Variants in LRP1B observed in about 807,000 individuals in gnomAD.
The protein encoded by LRP1B is LDL receptor related protein 1B, also known as low-density lipoprotein receptor-related protein 1B.
LRP1B carries 217 observed loss-of-function variants against 556.6 expected under a neutral mutation model. The ratio of observed to expected loss-of-function variants is 0.39; its 90% CI spans 0.35 to 0.44. The LOEUF is 0.44. LRP1B is among the 20% of genes least tolerant of loss of function. LRP1B has a pLI of 1.00. For missense variants in LRP1B, 5,053 were observed against 5,620.8 expected, an observed-to-expected ratio of 0.90 and a Z score of 3.23; for synonymous variants, 2,047 against 1,865.8, an observed-to-expected ratio of 1.10 and a Z score of -2.50.
intron 6 of LRP1B, among the ~76,000 whole-genome samples, chr2:141,222,044 C>T (rs887565576): frequency 6.6e-6 from 1 of 151,888 alleles, no homozygotes; most frequent in Non-Finnish European, 1.5e-5. Context: ...AAACAAACCC[C>T]AAAGCTAGCA....
chr2:141,473,089 T>C lies in LRP1B; in HGVS notation c.343+7307A>G, dbSNP rs191171319. 1.3e-4 allele frequency among the ~76,000 whole-genome samples: 20 copies of C among 152,278 alleles called. 3 individuals carry two copies. In the Middle Eastern group the frequency reaches 0.037, roughly 285 times the overall value. On this transcript the variant is annotated intron_variant, in intron 3 of 90. Coordinates refer to ENST00000389484, the MANE Select transcript of LRP1B (RefSeq NM_018557.3). ...TCAACATATTCGAACATTTTTAAAC[T>C]TGAATTCTAAGTCTCTTTAGCAGTA...
chr2:140,997,177 G>T (rs1408107734), intron 15 of LRP1B, among the ~76,000 whole-genome samples: 3 of 151,918 alleles, frequency 2.0e-5, no homozygotes, highest in African/African-American at 7.2e-5. Flanking sequence ...ATCATGGTAT[G>T]CTTGTCATGG....
At chr2:141,101,602 A>T (rs1574074359) in intron 7 of LRP1B, among the ~76,000 whole-genome samples, 2 of 152,152 alleles carry the variant, frequency 1.3e-5, no homozygotes, top group Non-Finnish European at 2.9e-5. Flanking sequence ...CTGCTTAATA[A>T]ATTGTGTATT....
intron 66 of LRP1B, among the ~76,000 whole-genome samples, chr2:140,398,302 T>TA (rs781764315): frequency 1.1e-4 from 17 of 152,020 alleles, no homozygotes; most frequent in South Asian, 6.2e-4. Flanking sequence ...AAAGGGGAGA[T>TA]ACTCATAAAA....
intron 66 of LRP1B, among the ~76,000 whole-genome samples, chr2:140,428,438 A>G (rs1685760787): frequency 6.6e-6 from 1 of 152,188 alleles, no homozygotes; most frequent in Non-Finnish European, 1.5e-5. Flanking sequence ...TCTGGCCACC[A>G]GGCCAAGGAA....
intron 3 of LRP1B, among the ~76,000 whole-genome samples, chr2:141,375,795 C>G (rs1351574643): frequency 6.6e-6 from 1 of 152,134 alleles, no homozygotes; most frequent in East Asian, 1.9e-4. Flanking sequence ...ACTCATATCT[C>G]AGTCTCACAG....
intron 25 of LRP1B, among the ~76,000 whole-genome samples, chr2:140,878,118 G>A (rs867680062): frequency 2.0e-5 from 3 of 152,114 alleles, no homozygotes; most frequent in Non-Finnish European, 4.4e-5. Context: ...ATATACCAGA[G>A]GACAATGTAC....
Position 141,123,383 on chromosome 2 carries a change from T to A in LRP1B, c.1014-61110A>T, listed in dbSNP as rs557274002. ...TTGGCCTCTTTTAAGAAGTAAAATG[T>A]TAAATATGCATATTTAATTGATAGT... On this transcript the variant is annotated intron_variant, in intron 7 of 90. Coordinates refer to ENST00000389484, the MANE Select transcript of LRP1B (RefSeq NM_018557.3). 2.0e-5 allele frequency among the ~76,000 whole-genome samples: 3 copies of A among 152,058 alleles called. No individual in the cohort carries two copies. In the East Asian group the frequency reaches 5.8e-4, roughly 29 times the overall value.
chr2:140,525,635 G>A (rs1159749501), intron 49 of LRP1B, among the ~76,000 whole-genome samples: 1 of 151,944 alleles, frequency 6.6e-6, no homozygotes. Context: ...TCCAAGTTTA[G>A]GATGGTTTCT....
At chr2:140,732,558 C>A (rs987835837) in intron 35 of LRP1B, among the ~76,000 whole-genome samples, 3 of 152,038 alleles carry the variant, frequency 2.0e-5, no homozygotes, top group South Asian at 2.1e-4. Flanking sequence ...TTGGTCTCAG[C>A]AGAATCAGGA....
chr2:140,358,764 A>G, intron 73 of LRP1B, 57 bp downstream of exon 73: 1 of 1,576,726 alleles, frequency 6.3e-7, no homozygotes, highest in East Asian at 2.3e-5. Flanking sequence ...TTTGTACTCC[A>G]AGTCATCAGA....
chr2:141,025,095 T>C (rs897827133), intron 11 of LRP1B, among the ~76,000 whole-genome samples: 7 of 152,128 alleles, frequency 4.6e-5, no homozygotes, highest in African/African-American at 1.7e-4. Context: ...TGAAAAGTCA[T>C]AATCTGGTAG....
At chr2:141,228,270 A>T (rs562029404) in intron 6 of LRP1B, among the ~76,000 whole-genome samples, 1 of 152,294 alleles carries the variant, frequency 6.6e-6, no homozygotes, top group African/African-American at 2.4e-5. Flanking sequence ...TGTAAATCAT[A>T]AATTAAATGG....
At chr2:140,269,123 A>G in intron 86 of LRP1B, 1 of 358,574 alleles carries the variant, frequency 2.8e-6, no homozygotes, top group Non-Finnish European at 5.6e-6. Context: ...GAGTGAAGCA[A>G]AGGTTAAGTG....
intron 32 of LRP1B, among the ~76,000 whole-genome samples, chr2:140,787,825 T>G (rs1285794657): frequency 6.6e-6 from 1 of 152,060 alleles, no homozygotes; most frequent in African/African-American, 2.4e-5. Context: ...TCTTCCTGCC[T>G]TGGCCTCTCA....
In LRP1B at chr2:141,593,575, G is replaced by A. The variant is rs1485163134; in HGVS notation, c.206-113042C>T. Among the ~76,000 whole-genome samples the A allele has an allele frequency of 2.2e-4, 2 of 9,194 alleles. 1 individual carries two copies. The highest frequency in any genetic ancestry group is 2.3e-4 in the African/African-American group (2 of 8,706). 6.0% of individuals were successfully genotyped at this position (9,194 alleles called of 152,430 possible). ...CTACTAAAAATACAAAAAATTAGCC[G>A]GGCGCAGTGGCGGGCGCCTGTAGTC... is the stretch of plus-strand genomic sequence containing the variant. On this transcript the variant is annotated intron_variant, in intron 2 of 90. Transcript: ENST00000389484.
At chr2:141,389,248 A>C (rs1459927411) in intron 3 of LRP1B, among the ~76,000 whole-genome samples, 1 of 152,192 alleles carries the variant, frequency 6.6e-6, no homozygotes, top group Non-Finnish European at 1.5e-5. Context: ...AATAATCAAA[A>C]CAATGTGTTA....
intron 3 of LRP1B, among the ~76,000 whole-genome samples, chr2:141,323,108 A>G (rs1457674821): frequency 5.3e-5 from 8 of 152,096 alleles, no homozygotes; most frequent in Non-Finnish European, 1.0e-4. Context: ...TGCTGCTGCT[A>G]CTACTAATGT....
At chr2:141,036,525 T>A (rs1181755537) in intron 11 of LRP1B, among the ~76,000 whole-genome samples, 1 of 151,870 alleles carries the variant, frequency 6.6e-6, no homozygotes, top group Admixed American at 6.6e-5. Context: ...GTGAAAGAGG[T>A]ACAAACAAAT....
Sources: gnomAD v4.1 joint callset for allele counts (sites outside exome capture counted in the v4.1 genomes callset) on GRCh38, gnomAD v4.1.1 for gene constraint, MANE v1.5 for transcripts, NCBI Gene and HGNC (gene_info 2026-07-23, HGNC 2026-07-21) for gene names.